Variants in MCHR2 observed in about 807,000 individuals in gnomAD.
The protein encoded by MCHR2 is melanin-concentrating hormone receptor 2.
Under a neutral mutation model 24.8 loss-of-function variants are expected in MCHR2, and 15 were observed. That is an observed-to-expected ratio of 0.60 (90% CI 0.40 to 0.93). The LOEUF is 0.93. MCHR2 is among the 40% of genes least tolerant of loss of function. The pLI is 0.00. For synonymous variants in MCHR2, 151 were observed against 147.6 expected, an observed-to-expected ratio of 1.02 and a Z score of -0.17; for missense variants, 386 against 408.7, an observed-to-expected ratio of 0.94 and a Z score of 0.48.
chr6:99,962,004 C>T (rs1222943218), intron 1 of MCHR2, among the ~76,000 whole-genome samples: 1 of 152,122 alleles, frequency 6.6e-6, no homozygotes, highest in Non-Finnish European at 1.5e-5. Context: ...TCACATCAAA[C>T]TCAGCATATG....
chr6:99,946,901 A>AC (rs1470893439), intron 3 of MCHR2, among the ~76,000 whole-genome samples: 1 of 152,062 alleles, frequency 6.6e-6, no homozygotes, highest in Non-Finnish European at 1.5e-5. Flanking sequence ...AGCTGCTAGG[A>AC]CCTGGTGTGG....
At chr6:99,950,160 T>A (rs987753863) in intron 2 of MCHR2, among the ~76,000 whole-genome samples, 3 of 152,154 alleles carry the variant, frequency 2.0e-5, no homozygotes, top group African/African-American at 7.2e-5. Context: ...GTCTAGATGA[T>A]ATTCTGTATA....
At chr6:99,927,013 T>C (rs1421253705) in intron 5 of MCHR2, among the ~76,000 whole-genome samples, 1 of 152,218 alleles carries the variant, frequency 6.6e-6, no homozygotes, top group African/African-American at 2.4e-5. Flanking sequence ...AATTTTTGTA[T>C]AAGGTGTAAG....
intron 5 of MCHR2, among the ~76,000 whole-genome samples, chr6:99,927,306 C>T (rs1021810715): frequency 2.6e-5 from 4 of 152,176 alleles, no homozygotes; most frequent in African/African-American, 9.7e-5. Flanking sequence ...TTAGGATTCA[C>T]TTGGCGATGT....
At chr6:99,957,433 T>A (rs1478830483) in intron 1 of MCHR2, among the ~76,000 whole-genome samples, 1 of 152,180 alleles carries the variant, frequency 6.6e-6, no homozygotes, top group Non-Finnish European at 1.5e-5. Context: ...TTCCTTTTCA[T>A]GTCTGTCATG....
intron 1 of MCHR2, among the ~76,000 whole-genome samples, chr6:99,971,936 T>C (rs1227130927): frequency 6.6e-6 from 1 of 152,240 alleles, no homozygotes; most frequent in Non-Finnish European, 1.5e-5. Flanking sequence ...GGATAAGCTT[T>C]TTGATGTGCT....
intron 1 of MCHR2, among the ~76,000 whole-genome samples, chr6:99,989,257 C>A (rs924651072): frequency 6.0e-5 from 9 of 150,976 alleles, no homozygotes; most frequent in Admixed American, 4.6e-4. Context: ...GTATCAAATT[C>A]AAAAAAAATT....
chr6:99,943,345 A>T (rs1774814254), intron 3 of MCHR2, among the ~76,000 whole-genome samples: 1 of 149,642 alleles, frequency 6.7e-6, no homozygotes, highest in Admixed American at 6.7e-5. Context: ...TATTTTTATT[A>T]TTATTATACT....
At chr6:99,955,072 C>T (rs933861768) in intron 2 of MCHR2, among the ~76,000 whole-genome samples, 2 of 152,084 alleles carry the variant, frequency 1.3e-5, no homozygotes, top group Admixed American at 6.6e-5. Context: ...TCTTTTATAA[C>T]ATATGAATAT....
intron 1 of MCHR2, among the ~76,000 whole-genome samples, chr6:99,977,621 T>TC (rs767349684): frequency 6.6e-5 from 10 of 152,160 alleles, no homozygotes; most frequent in South Asian, 2.1e-4. Context: ...TTATTTTTTT[T>TC]CCCTTCTGAA....
rs988018901 is a variant in MCHR2, at chr6:99,972,523, C to A, written c.-27-16349G>T. 1.6e-4 allele frequency among the ~76,000 whole-genome samples: 24 copies of A among 152,264 alleles called. No homozygotes were observed. The South Asian group carries it at 2.3e-3, about 14-fold the overall frequency. On this transcript the variant is annotated intron_variant, in intron 1 of 5. Coordinates refer to ENST00000281806, the MANE Select transcript of MCHR2 (RefSeq NM_001040179.2). The stretch of plus-strand genomic sequence containing the variant: ...CTTTCAAAAAACCAGCTCCTGGATT[C>A]ATTAATTTTTTGAAGGGTTTTTTGG...
intron 1 of MCHR2, among the ~76,000 whole-genome samples, chr6:99,969,071 T>A (rs535743818): frequency 6.6e-6 from 1 of 152,318 alleles, no homozygotes; most frequent in East Asian, 1.9e-4. Context: ...AAATGTAATT[T>A]ACCCTTATAT....
chr6:99,948,271 T>C (rs1392670560), intron 2 of MCHR2, among the ~76,000 whole-genome samples: 2 of 152,148 alleles, frequency 1.3e-5, no homozygotes, highest in African/African-American at 4.8e-5. Flanking sequence ...ACAATGAGAA[T>C]ATGGCAGAAG....
chr6:99,947,477 A>G (rs1774891716), intron 3 of MCHR2, among the ~76,000 whole-genome samples: 1 of 152,100 alleles, frequency 6.6e-6, no homozygotes, highest in Admixed American at 6.6e-5. Context: ...CTGGTTTCTA[A>G]TATTTCCTGG....
At chr6:99,930,160 A>T (rs1306965691) in intron 5 of MCHR2, among the ~76,000 whole-genome samples, 1 of 152,170 alleles carries the variant, frequency 6.6e-6, no homozygotes, top group African/African-American at 2.4e-5. Flanking sequence ...AATGTTGAAT[A>T]TTGGCCCTCA....
intron 1 of MCHR2, among the ~76,000 whole-genome samples, chr6:99,992,822 A>G (rs1257536102): frequency 2.6e-5 from 4 of 152,218 alleles, no homozygotes; most frequent in African/African-American, 7.2e-5. Context: ...GGCCAATTCA[A>G]TTGTGACATT....
chr6:99,923,064 C>A (rs546157093), intron 5 of MCHR2, among the ~76,000 whole-genome samples: 71 of 152,134 alleles, frequency 4.7e-4, no homozygotes, highest in African/African-American at 1.5e-3. Context: ...TCTTCAATTT[C>A]TTTCATCAGT....
intron 2 of MCHR2, among the ~76,000 whole-genome samples, chr6:99,948,968 T>C (rs1003918121): frequency 1.3e-5 from 2 of 152,128 alleles, no homozygotes; most frequent in African/African-American, 4.8e-5. Flanking sequence ...TCATGTCTCC[T>C]GTGGGGAGCC....
intron 4 of MCHR2, among the ~76,000 whole-genome samples, chr6:99,938,712 G>A (rs1209688288): frequency 5.3e-5 from 8 of 151,996 alleles, no homozygotes; most frequent in African/African-American, 1.9e-4. Context: ...ATTAGGTCTA[G>A]TGTGTAGTTT....
Sources: allele counts gnomAD v4.1 joint callset (sites outside exome capture counted in the v4.1 genomes callset), GRCh38; gene constraint gnomAD v4.1.1; transcripts MANE v1.5; gene names NCBI Gene and HGNC (gene_info 2026-07-23, HGNC 2026-07-21).